Variants in FRMD5 observed in about 807,000 individuals in gnomAD.
The protein encoded by FRMD5 is FERM domain-containing protein 5.
Under a neutral mutation model 69.0 loss-of-function variants are expected in FRMD5, and 20 were observed. That is an observed-to-expected ratio of 0.29 (90% CI 0.20 to 0.42). The LOEUF is 0.42. Ranked by LOEUF, FRMD5 falls within the 10% of genes least tolerant of loss-of-function variation. The probability of loss-of-function intolerance (pLI) is 1.00; values close to 1 mark genes in which losing one functional copy is unlikely to be tolerated. For synonymous variants in FRMD5, 271 were observed against 260.1 expected (o/e 1.04, Z -0.40); for missense variants, 595 against 708.6 (o/e 0.84, Z 1.82).
intron 1 of FRMD5, among the ~76,000 whole-genome samples, chr15:43,943,653 G>C (rs1254931312): frequency 2.0e-5 from 3 of 152,208 alleles, no homozygotes; most frequent in Admixed American, 1.3e-4. Flanking sequence ...CACACAGAGG[G>C]AAGACAGAGG....
intron 1 of FRMD5, among the ~76,000 whole-genome samples, chr15:43,945,400 C>T (rs762705319): frequency 6.6e-6 from 1 of 152,088 alleles, no homozygotes; most frequent in Admixed American, 6.5e-5. Context: ...AGAAAGAATA[C>T]TAAACAAAAG....
intron 1 of FRMD5, among the ~76,000 whole-genome samples, chr15:44,131,342 C>T (rs906977666): frequency 5.9e-5 from 9 of 151,808 alleles, no homozygotes; most frequent in African/African-American, 9.7e-5. Flanking sequence ...CCCCTATAAA[C>T]GGTAGGAATG....
chr15:43,972,394 G>C (rs1028999247), intron 1 of FRMD5, among the ~76,000 whole-genome samples: 3 of 152,140 alleles, frequency 2.0e-5, no homozygotes, highest in Non-Finnish European at 4.4e-5. Flanking sequence ...ACTTTATTGA[G>C]TTTTAATTAA....
At chr15:43,991,850 A>G (rs764333208) in intron 1 of FRMD5, among the ~76,000 whole-genome samples, 27 of 152,190 alleles carry the variant, frequency 1.8e-4, no homozygotes, top group Admixed American at 9.2e-4. Flanking sequence ...AGATGGCTCA[A>G]TAATAAAATC....
upstream of FRMD5, among the ~76,000 whole-genome samples, chr15:44,197,634 A>G (rs1333238856): frequency 2.9e-5 from 4 of 140,118 alleles, no homozygotes; most frequent in Non-Finnish European, 6.1e-5. Flanking sequence ...GTGAGCTGAG[A>G]TTGGCCACTG....
intron 1 of FRMD5, among the ~76,000 whole-genome samples, chr15:44,129,649 G>A (rs984327017): frequency 6.6e-6 from 1 of 152,094 alleles, no homozygotes; most frequent in African/African-American, 2.4e-5. Context: ...ACAGCTTAAA[G>A]TCATTTCCAA....
chr15:44,045,967 A>C (rs1406266601), intron 1 of FRMD5, among the ~76,000 whole-genome samples: 1 of 152,158 alleles, frequency 6.6e-6, no homozygotes, highest in Non-Finnish European at 1.5e-5. Context: ...CTTCTGACCT[A>C]CAGTTGTATA....
intron 1 of FRMD5, among the ~76,000 whole-genome samples, chr15:43,929,983 G>C (rs1423648861): frequency 6.6e-6 from 1 of 152,148 alleles, no homozygotes; most frequent in Non-Finnish European, 1.5e-5. Context: ...GCATTAGTGA[G>C]CTGAGCAGAA....
intron 4 of FRMD5, among the ~76,000 whole-genome samples, chr15:43,917,516 G>A (rs1376354161): frequency 3.9e-5 from 6 of 151,930 alleles, no homozygotes; most frequent in East Asian, 1.9e-4. Context: ...TCAGCCTCCC[G>A]AGTAGCTGGG....
At chr15:44,056,239 A>C (rs1892863855) in intron 1 of FRMD5, among the ~76,000 whole-genome samples, 1 of 152,130 alleles carries the variant, frequency 6.6e-6, no homozygotes, top group Non-Finnish European at 1.5e-5. Flanking sequence ...TAGTGGGGGG[A>C]TTCCCAAAAA....
chr15:43,989,815 A>G (rs751568029), intron 1 of FRMD5: 49 of 1,029,946 alleles, frequency 4.8e-5, no homozygotes, highest in Middle Eastern at 4.4e-4. Flanking sequence ...GATCTCCAAC[A>G]TGATCTGGGT....
intron 1 of FRMD5, among the ~76,000 whole-genome samples, chr15:43,988,357 C>CT (rs35486163): frequency 0.85 from 123,969 of 145,974 alleles, 53,771 homozygotes; most frequent in East Asian, 0.94. Flanking sequence ...GTCATTAGCA[C>CT]TTTTTTTTTT....
At chr15:44,061,085 C>CA (rs1162551451) in intron 1 of FRMD5, among the ~76,000 whole-genome samples, 1 of 152,222 alleles carries the variant, frequency 6.6e-6, no homozygotes, top group Non-Finnish European at 1.5e-5. Flanking sequence ...AAGAGTAAGG[C>CA]AGTACCCTCC....
intron 1 of FRMD5, among the ~76,000 whole-genome samples, chr15:43,987,923 C>T (rs1178485916): frequency 6.6e-6 from 1 of 152,108 alleles, no homozygotes; most frequent in Non-Finnish European, 1.5e-5. Flanking sequence ...GAGCCCTGAG[C>T]TGCTTGTTTT....
At chr15:43,887,930 C>T (rs1402724074) in intron 10 of FRMD5, among the ~76,000 whole-genome samples, 2 of 152,208 alleles carry the variant, frequency 1.3e-5, no homozygotes, top group African/African-American at 2.4e-5. Context: ...TTCTTCACTA[C>T]CTAATGCTTT....
chr15:43,922,469 T>C (rs1325533642), intron 2 of FRMD5, among the ~76,000 whole-genome samples: 2 of 152,104 alleles, frequency 1.3e-5, no homozygotes, highest in East Asian at 3.8e-4. Context: ...CCATAAATGT[T>C]TACTTCTCCT....
chr15:44,196,635 C>T (rs913242324), upstream of FRMD5, among the ~76,000 whole-genome samples: 4 of 151,620 alleles, frequency 2.6e-5, no homozygotes, highest in African/African-American at 9.7e-5. Context: ...AAAACTATCC[C>T]GCCTTTAAAG....
chr15:44,142,116 A>T (rs528415807), intron 1 of FRMD5, among the ~76,000 whole-genome samples: 21 of 152,246 alleles, frequency 1.4e-4, no homozygotes, highest in Admixed American at 1.3e-3. Flanking sequence ...CATCCAAATA[A>T]CTGATTTAAA....
intron 1 of FRMD5, among the ~76,000 whole-genome samples, chr15:44,066,460 A>G (rs1893314977): frequency 6.6e-6 from 1 of 152,160 alleles, no homozygotes; most frequent in Admixed American, 6.6e-5. Flanking sequence ...ACTTCAAGGC[A>G]TTTAAATTTT....
Sources: gnomAD v4.1 joint callset for allele counts (sites outside exome capture counted in the v4.1 genomes callset) on GRCh38, gnomAD v4.1.1 for gene constraint, MANE v1.5 for transcripts, NCBI Gene and HGNC (gene_info 2026-07-23, HGNC 2026-07-21) for gene names.